Variants in ADGRL2 observed in about 807,000 individuals in gnomAD.
The protein encoded by ADGRL2 is adhesion G protein-coupled receptor L2.
In ADGRL2, 44 loss-of-function variants were observed where a neutral mutation model predicts 157.4. The observed-to-expected ratio is 0.28, with a 90% confidence interval of 0.22 to 0.36. The LOEUF (loss-of-function observed/expected upper bound fraction) is 0.36, where lower values mean the gene tolerates loss of function less well. Ranked by LOEUF, ADGRL2 falls within the 10% of genes least tolerant of loss-of-function variation. The pLI is 1.00. For synonymous variants in ADGRL2, 585 were observed against 624.7 expected, an observed-to-expected ratio of 0.94 and a Z score of 0.95; for missense variants, 1,510 against 1,768.9, an observed-to-expected ratio of 0.85 and a Z score of 2.63.
chr1:81,771,008 T>C (rs758610950), intron 2 of ADGRL2, among the ~76,000 whole-genome samples: 5 of 152,166 alleles, frequency 3.3e-5, no homozygotes, highest in Non-Finnish European at 7.4e-5. Flanking sequence ...ATTTCCTGTA[T>C]TAACAATTTA....
At chr1:81,566,370 C>T (rs1013873065) in intron 2 of ADGRL2, among the ~76,000 whole-genome samples, 1 of 152,094 alleles carries the variant, frequency 6.6e-6, no homozygotes, top group Non-Finnish European at 1.5e-5. Flanking sequence ...TGTTCATAAT[C>T]TTATAGTAGT....
At chr1:81,386,734 T>C (rs745518411) in intron 1 of ADGRL2, among the ~76,000 whole-genome samples, 27 of 152,346 alleles carry the variant, frequency 1.8e-4, no homozygotes, top group Admixed American at 3.3e-4. Context: ...ATATAGCTCT[T>C]GCTGCCATTC....
intron 17 of ADGRL2, among the ~76,000 whole-genome samples, chr1:81,978,916 C>CT (rs1040698543): frequency 5.3e-5 from 8 of 151,362 alleles, no homozygotes; most frequent in Non-Finnish European, 8.9e-5. Flanking sequence ...CACAAAATGA[C>CT]TTTTTTTTCC....
chr1:81,597,239 T>C (rs2081253528), intron 3 of ADGRL2, among the ~76,000 whole-genome samples: 1 of 152,212 alleles, frequency 6.6e-6, no homozygotes, highest in Non-Finnish European at 1.5e-5. Flanking sequence ...CTCTTCATCC[T>C]GTGATACTGA....
In ADGRL2 at chr1:81,350,563, A is replaced by G. The variant is rs909723249; in HGVS notation, c.-302+44054A>G. ...TACTGAAGAGAAACCAGATGAAAAG[A>G]TTTAAAGAGGGAATTCCTTCAGAAC... On this transcript the variant is annotated intron_variant, in intron 1 of 24. Transcript: ENST00000370721. Among the ~76,000 whole-genome samples the G allele has an allele frequency of 3.9e-5, 6 of 152,338 alleles. No individual in the cohort carries two copies. In the East Asian group the frequency reaches 5.8e-4, roughly 15 times the overall value.
At chr1:81,391,058 A>T (rs2076542069) in intron 1 of ADGRL2, among the ~76,000 whole-genome samples, 1 of 152,306 alleles carries the variant, frequency 6.6e-6, no homozygotes, top group Non-Finnish European at 1.5e-5. Flanking sequence ...CTACTGAGTT[A>T]GAAATTCATT....
chr1:81,944,762 T>C (rs1264182830), intron 6 of ADGRL2, among the ~76,000 whole-genome samples: 1 of 152,012 alleles, frequency 6.6e-6, no homozygotes, highest in African/African-American at 2.4e-5. Context: ...GGGCAGAGAC[T>C]AATATATTTT....
intron 1 of ADGRL2, among the ~76,000 whole-genome samples, chr1:81,737,348 C>T (rs1250767268): frequency 6.6e-6 from 1 of 152,196 alleles, no homozygotes; most frequent in Admixed American, 6.5e-5. Context: ...GGCGTGTCTT[C>T]ACATGGTGGC....
At chr1:81,948,109 C>T (rs182291522) in intron 6 of ADGRL2, among the ~76,000 whole-genome samples, 442 of 151,374 alleles carry the variant, frequency 2.9e-3, no homozygotes, top group Non-Finnish European at 4.5e-3. Context: ...CCCAGCTACT[C>T]GGGAAGCTGA....
intron 4 of ADGRL2, among the ~76,000 whole-genome samples, chr1:81,937,520 C>T (rs1332749992): frequency 4.0e-5 from 6 of 151,792 alleles, no homozygotes; most frequent in African/African-American, 7.2e-5. Flanking sequence ...TCTCAGAATT[C>T]GTACTTCAAA....
intron 3 of ADGRL2, among the ~76,000 whole-genome samples, chr1:81,658,153 T>TG (rs2082575099): frequency 6.6e-6 from 1 of 152,222 alleles, no homozygotes; most frequent in South Asian, 2.1e-4. Flanking sequence ...TGGAGTGCAG[T>TG]GGTGCAGTCT....
intron 2 of ADGRL2, among the ~76,000 whole-genome samples, chr1:81,900,240 AC>A (rs2094461823): frequency 6.6e-6 from 1 of 152,210 alleles, no homozygotes. Context: ...AGAATTGTCA[AC>A]AACAACCATT....
chr1:81,441,390 T>A (rs2077504490), intron 1 of ADGRL2, among the ~76,000 whole-genome samples: 1 of 152,202 alleles, frequency 6.6e-6, no homozygotes, highest in African/African-American at 2.4e-5. Context: ...ACATCATCAG[T>A]GTTCCTAATC....
At chr1:81,963,085 C>T (rs1400707816) in intron 11 of ADGRL2, among the ~76,000 whole-genome samples, 2 of 151,892 alleles carry the variant, frequency 1.3e-5, no homozygotes, top group Non-Finnish European at 1.5e-5. Context: ...TTTCTTAGGT[C>T]TTCTTATAAA....
At position 81,767,200 on chromosome 1, in the gene ADGRL2, G is replaced by T. The variant is rs563689682; in HGVS notation, c.-101+5348G>T. 1.9e-3 allele frequency among the ~76,000 whole-genome samples: 293 copies of T among 152,230 alleles called. 2 individuals carry two copies. The highest frequency in any genetic ancestry group is 6.8e-3 in the African/African-American group (283 of 41,544). On this transcript the variant is annotated intron_variant, in intron 2 of 20. Coordinates refer to the ADGRL2 transcript ENST00000359929. ...TAATTCATTAGTTTACACTTGTATA[G>T]TATTCTATTGTAAGATTTATTAGTC...
chr1:81,706,318 T>C (rs941964938), intron 1 of ADGRL2, among the ~76,000 whole-genome samples: 15 of 152,324 alleles, frequency 9.8e-5, no homozygotes, highest in African/African-American at 3.1e-4. Context: ...TTGCATATTA[T>C]TGCAGAGAGA....
intron 2 of ADGRL2, among the ~76,000 whole-genome samples, chr1:81,857,565 C>G (rs10449708): frequency 0.073 from 11,179 of 152,126 alleles, 1,301 homozygotes; most frequent in African/African-American, 0.25. Context: ...AGTAGAAAAG[C>G]CTTTATCAGC....
At chr1:81,504,492 T>G (rs1291500576) in intron 2 of ADGRL2, among the ~76,000 whole-genome samples, 1 of 152,218 alleles carries the variant, frequency 6.6e-6, no homozygotes, top group Admixed American at 6.5e-5. Context: ...TGCTGACTTT[T>G]TTTTTTATTT....
chr1:81,372,314 G>A (rs1000046397), intron 1 of ADGRL2, among the ~76,000 whole-genome samples: 1 of 152,160 alleles, frequency 6.6e-6, no homozygotes, highest in Non-Finnish European at 1.5e-5. Flanking sequence ...TACATTTAGA[G>A]CTCAGGAACC....
Sources: gnomAD v4.1 joint callset for allele counts (sites outside exome capture counted in the v4.1 genomes callset) on GRCh38, gnomAD v4.1.1 for gene constraint, MANE v1.5 for transcripts, NCBI Gene and HGNC (gene_info 2026-07-23, HGNC 2026-07-21) for gene names.